TMEM245: variants seen among roughly 807,000 people sequenced by gnomAD.
TMEM245 encodes the protein transmembrane protein 245.
A neutral mutation model predicts 101.2 loss-of-function variants in TMEM245; 69 were observed. The ratio of observed to expected loss-of-function variants is 0.68; its 90% CI spans 0.56 to 0.83. The LOEUF is 0.83. TMEM245 is among the 40% of genes least tolerant of loss of function. The pLI, the probability that TMEM245 is intolerant of heterozygous loss-of-function variation, is 0.00. For missense variants in TMEM245, 1,075 were observed against 1,092.8 expected (o/e 0.98, Z 0.23); for synonymous variants, 537 against 449.8 (o/e 1.19, Z -2.45).
intron 12 of TMEM245, among the ~76,000 whole-genome samples, chr9:109,056,047 A>G (rs1401781717): frequency 6.6e-6 from 1 of 152,240 alleles, no homozygotes; most frequent in Non-Finnish European, 1.5e-5. Flanking sequence ...TAAAGGCCCA[A>G]TATCTGATTA....
Position 109,080,845 on chromosome 9 carries a change from A to T in TMEM245, c.1443T>A (p.Thr481=), listed in dbSNP as rs568001113. The T allele has an allele frequency of 9.5e-6, 15 of 1,572,280 alleles. No homozygotes were observed. In the South Asian group the frequency reaches 1.7e-4, roughly 18 times the overall value. ...AATAATCACTGTACTCTACCTTTGC[A>T]GTCAGGAGTAGGGCTAAAAGAAGAG... is the stretch of plus-strand genomic sequence containing the variant. The part of the protein sequence containing the change: ...IGTLLLALLL[T]AKVHQESVHM... The change falls in exon 8 of 18, where the codon ACT becomes ACA. Residue 481 remains threonine, a synonymous_variant. Transcript: ENST00000374586.
intron 12 of TMEM245, among the ~76,000 whole-genome samples, chr9:109,052,907 G>A (rs1231954390): frequency 6.7e-6 from 1 of 148,968 alleles, no homozygotes; most frequent in Non-Finnish European, 1.5e-5. Flanking sequence ...TAGATTGGTA[G>A]TCTCCAACAA....
In TMEM245 at chr9:109,071,903, G is replaced by A. The variant is rs1370448070; in HGVS notation, c.1532+1453C>T. Among the ~76,000 whole-genome samples the A allele has an allele frequency of 6.6e-5, 10 of 150,916 alleles. No homozygotes were observed. The East Asian group carries it at 1.6e-3, about 23-fold the overall frequency. ...CAGAGATCCTATAAAACAGAAGTTG[G>A]CAAATTTTTCTGTAAAGGACTAGAG... On this transcript the variant is annotated intron_variant, in intron 9 of 17. Coordinates refer to ENST00000374586, the MANE Select transcript of TMEM245 (RefSeq NM_032012.4).
chr9:109,100,949 C>T (rs997834556), intron 3 of TMEM245, among the ~76,000 whole-genome samples: 4 of 152,016 alleles, frequency 2.6e-5, no homozygotes, highest in African/African-American at 9.7e-5. Context: ...GAGTAAGACC[C>T]TTGGGTTCAG....
chr9:109,071,236 T>C (rs947303441), intron 9 of TMEM245, among the ~76,000 whole-genome samples: 4 of 151,718 alleles, frequency 2.6e-5, no homozygotes, highest in African/African-American at 9.7e-5. Context: ...CATTAGTCCA[T>C]TTTTTTTAAT....
chr9:109,057,976 T>A (rs1288351294), intron 11 of TMEM245, among the ~76,000 whole-genome samples: 1 of 150,056 alleles, frequency 6.7e-6, no homozygotes, highest in Non-Finnish European at 1.5e-5. Context: ...TCTCTTGATT[T>A]CCCATCTTTG....
chr9:109,053,716 C>T (rs996897923), intron 12 of TMEM245, among the ~76,000 whole-genome samples: 2 of 152,198 alleles, frequency 1.3e-5, no homozygotes, highest in African/African-American at 2.4e-5. Flanking sequence ...TTATTAACTT[C>T]GTTTCCCAGT....
chr9:109,099,215 G>C, intron 3 of TMEM245, among the ~76,000 whole-genome samples: 1 of 152,160 alleles, frequency 6.6e-6, no homozygotes, highest in East Asian at 1.9e-4. Flanking sequence ...ACGTCACAAG[G>C]GCCTGGAGAT....
At chr9:109,057,066 C>T in intron 12 of TMEM245, 125 bp downstream of exon 12, 3 of 1,088,790 alleles carry the variant, frequency 2.8e-6, no homozygotes, top group East Asian at 2.7e-5. Flanking sequence ...TTAGAGTTCT[C>T]AAATATGTAA....
Position 109,018,144 on chromosome 9 carries a change from C to T in TMEM245, c.*2316G>A, listed in dbSNP as rs900126833. 5.9e-5 allele frequency: 9 copies of T among 152,166 alleles called. No homozygotes were observed. The highest frequency in any genetic ancestry group is 2.2e-4 in the African/African-American group (9 of 41,434). 9.4% of individuals were successfully genotyped at this position (152,166 alleles called of 1,614,324 possible). Reference sequence around the variant, plus strand: ...TTAGCTGTAGTTTTTTGCAATATCACTTTATACAGCTAAAATCACTTTGTA... The same window carrying T: ...TTAGCTGTAGTTTTTTGCAATATCATTTTATACAGCTAAAATCACTTTGTA... On this transcript the variant is annotated 3_prime_UTR_variant, in exon 18 of 18. Transcript: ENST00000374586.
intron 17 of TMEM245, among the ~76,000 whole-genome samples, chr9:109,021,573 G>A (rs1331704236): frequency 6.6e-6 from 1 of 152,146 alleles, no homozygotes; most frequent in African/African-American, 2.4e-5. Context: ...GGAGTATACT[G>A]GTGCTATCTC....
intron 9 of TMEM245, among the ~76,000 whole-genome samples, 164 bp from the exon 10 acceptor site, chr9:109,064,731 C>A (rs1020748369): frequency 2.6e-5 from 4 of 152,190 alleles, no homozygotes; most frequent in African/African-American, 9.7e-5. Context: ...CTTAACTGTC[C>A]TAAGTCTCTA....
At chr9:109,098,930 TACA>T (rs1225466156) in intron 3 of TMEM245, among the ~76,000 whole-genome samples, 1 of 152,208 alleles carries the variant, frequency 6.6e-6, no homozygotes, top group Non-Finnish European at 1.5e-5. Flanking sequence ...TGTCTGTTAA[TACA>T]ACAACTCAAC....
At chr9:109,090,412 A>G (rs1170073883) in intron 5 of TMEM245, among the ~76,000 whole-genome samples, 1 of 152,052 alleles carries the variant, frequency 6.6e-6, no homozygotes, top group East Asian at 1.9e-4. Flanking sequence ...GAAGCTAAAC[A>G]CATTTTTTGA....
intron 3 of TMEM245, among the ~76,000 whole-genome samples, chr9:109,104,149 T>C (rs569562418): frequency 1.2e-4 from 18 of 152,172 alleles, no homozygotes; most frequent in East Asian, 1.9e-4. Context: ...AGGGTGACTA[T>C]AGTCAATAAT....
intron 17 of TMEM245, among the ~76,000 whole-genome samples, chr9:109,024,308 TCTAAGG>T (rs1337804795): frequency 6.6e-6 from 1 of 152,208 alleles, no homozygotes; most frequent in East Asian, 1.9e-4. Context: ...GGAATAAAGT[TCTAAGG>T]CTAGGATTTA....
At chr9:109,063,553 G>A (rs1248270076) in intron 10 of TMEM245, among the ~76,000 whole-genome samples, 3 of 151,966 alleles carry the variant, frequency 2.0e-5, no homozygotes, top group South Asian at 4.2e-4. Flanking sequence ...AAATCCTGTC[G>A]ATTCTTACAT....
At chr9:109,073,582 C>T (rs909146925) in intron 8 of TMEM245, 144 bp from the exon 9 acceptor site, 9 of 596,640 alleles carry the variant, frequency 1.5e-5, no homozygotes, top group African/African-American at 3.7e-5. Flanking sequence ...AAACATGCAG[C>T]GCAAAGTTAC....
rs536878231 is a variant in TMEM245 at position 109,106,841 on chromosome 9, T to C, written c.698-232A>G. ...TGGTCAAATGGATAGGGTACATGCC[T>C]GCCTACCTTTAATGGGGTTCTATTA... On this transcript the variant is annotated intron_variant, in intron 2 of 17. Coordinates refer to ENST00000374586, the MANE Select transcript of TMEM245 (RefSeq NM_032012.4). Among the ~76,000 whole-genome samples the C allele has an allele frequency of 2.6e-5, 4 of 152,312 alleles. No homozygotes were observed. In the South Asian group the frequency reaches 8.3e-4, roughly 32 times the overall value.
Sources: gnomAD v4.1 joint callset for allele counts (sites outside exome capture counted in the v4.1 genomes callset) on GRCh38, gnomAD v4.1.1 for gene constraint, MANE v1.5 for transcripts, NCBI Gene and HGNC (gene_info 2026-07-23, HGNC 2026-07-21) for gene names.